The following KCNQ3 variants were observed in gnomAD, a reference collection of about 807,000 sequenced individuals.
The protein encoded by KCNQ3 is potassium voltage-gated channel subfamily Q member 3, also known as potassium voltage-gated channel subfamily KQT member 3.
In KCNQ3, 30 loss-of-function variants were observed where a neutral mutation model predicts 92.5. That is an observed-to-expected ratio of 0.32 (90% CI 0.24 to 0.44). The LOEUF (loss-of-function observed/expected upper bound fraction) is 0.44. KCNQ3 is among the 20% of genes least tolerant of loss of function. KCNQ3 has a pLI of 1.00. For synonymous variants in KCNQ3, 450 were observed against 468.8 expected, an observed-to-expected ratio of 0.96 and a Z score of 0.52; for missense variants, 913 against 1,140.3, an observed-to-expected ratio of 0.80 and a Z score of 2.87.
At chr8:132,145,045 G>C (rs765990169) in intron 9 of KCNQ3, among the ~76,000 whole-genome samples, 1 of 152,178 alleles carries the variant, frequency 6.6e-6, no homozygotes, top group African/African-American at 2.4e-5. Flanking sequence ...ACATTTGGTC[G>C]TCACAACTAC....
At chr8:132,226,174 G>C (rs1234209120) in intron 1 of KCNQ3, among the ~76,000 whole-genome samples, 1 of 152,026 alleles carries the variant, frequency 6.6e-6, no homozygotes, top group African/African-American at 2.4e-5. Context: ...GAGAGGCTGA[G>C]GCAGCAGAAT....
intron 1 of KCNQ3, among the ~76,000 whole-genome samples, chr8:132,477,636 T>C (rs1822445510): frequency 6.6e-6 from 1 of 152,222 alleles, no homozygotes; most frequent in Non-Finnish European, 1.5e-5. Context: ...GCTCCCAATT[T>C]ATCAGAATCC....
chr8:132,409,279 GT>G (rs1327531111), intron 1 of KCNQ3, among the ~76,000 whole-genome samples: 1 of 151,982 alleles, frequency 6.6e-6, no homozygotes, highest in Non-Finnish European at 1.5e-5. Context: ...ACAAACTTAA[GT>G]TGAGCTCCTA....
At chr8:132,421,245 A>G (rs1207826949) in intron 1 of KCNQ3, among the ~76,000 whole-genome samples, 2 of 152,234 alleles carry the variant, frequency 1.3e-5, no homozygotes, top group Non-Finnish European at 2.9e-5. Context: ...ATATTCATGC[A>G]TGTGAGGGGC....
intron 1 of KCNQ3, among the ~76,000 whole-genome samples, chr8:132,351,820 A>C (rs1818876106): frequency 6.6e-6 from 1 of 152,168 alleles, no homozygotes; most frequent in Non-Finnish European, 1.5e-5. Flanking sequence ...GGGATAAGAC[A>C]ATCACTTTGG....
chr8:132,427,485 G>GT (rs1009057392), intron 1 of KCNQ3, among the ~76,000 whole-genome samples: 2 of 151,976 alleles, frequency 1.3e-5, no homozygotes, highest in African/African-American at 2.4e-5. Context: ...GGCTAATTGT[G>GT]TTTTTTTTCT....
At chr8:132,156,486 C>A (rs754201628) in intron 9 of KCNQ3, among the ~76,000 whole-genome samples, 1 of 152,086 alleles carries the variant, frequency 6.6e-6, no homozygotes, top group Non-Finnish European at 1.5e-5. Flanking sequence ...GAAGAAATGA[C>A]CATAGATCTG....
intron 1 of KCNQ3, among the ~76,000 whole-genome samples, chr8:132,468,771 C>T (rs1417692604): frequency 6.6e-6 from 1 of 152,158 alleles, no homozygotes; most frequent in African/African-American, 2.4e-5. Flanking sequence ...GGTTCCCAGC[C>T]CTGAGGTCTG....
At chr8:132,263,738 G>T (rs1406649935) in intron 1 of KCNQ3, among the ~76,000 whole-genome samples, 2 of 152,218 alleles carry the variant, frequency 1.3e-5, no homozygotes, top group African/African-American at 4.8e-5. Context: ...TTCATGAGTG[G>T]CTCAGGTTAG....
intron 1 of KCNQ3, among the ~76,000 whole-genome samples, chr8:132,462,821 T>C (rs1046219167): frequency 1.3e-5 from 2 of 152,220 alleles, no homozygotes; most frequent in Admixed American, 1.3e-4. Flanking sequence ...CAATAAGGAA[T>C]AGAAAGAATG....
At chr8:132,378,302 G>C (rs1819662682) in intron 1 of KCNQ3, among the ~76,000 whole-genome samples, 1 of 151,982 alleles carries the variant, frequency 6.6e-6, no homozygotes, top group African/African-American at 2.4e-5. Context: ...TGATGCACGA[G>C]AAACACTTGA....
chr8:132,354,620 G>A (rs1453078834), intron 1 of KCNQ3, among the ~76,000 whole-genome samples: 54 of 152,172 alleles, frequency 3.5e-4, no homozygotes, highest in Non-Finnish European at 1.5e-5. Context: ...CTGCTTCTCA[G>A]ACTCCCCATA....
In KCNQ3 at chr8:132,332,881, C is replaced by G. The variant is rs574731989; in HGVS notation, c.387-146700G>C. 5.3e-5 allele frequency among the ~76,000 whole-genome samples: 8 copies of G among 152,350 alleles called. No individual in the cohort carries two copies. In the East Asian group the frequency reaches 1.5e-3, roughly 29 times the overall value. On this transcript the variant is annotated intron_variant, in intron 1 of 14. Transcript: ENST00000388996. ...CCTTCCTGCTGCACTCACCTCTCTTCATTGCATCGCTGTGCCATCATGATG... is the reference window on the plus strand; with the variant it reads ...CCTTCCTGCTGCACTCACCTCTCTTGATTGCATCGCTGTGCCATCATGATG...
intron 1 of KCNQ3, among the ~76,000 whole-genome samples, chr8:132,405,309 C>T (rs566355943): frequency 1.1e-4 from 17 of 152,322 alleles, no homozygotes; most frequent in African/African-American, 2.4e-4. Context: ...AGTTTTCCCA[C>T]GGCATAAAAT....
chr8:132,146,497 G>A (rs765753817), intron 9 of KCNQ3, among the ~76,000 whole-genome samples: 8 of 152,162 alleles, frequency 5.3e-5, no homozygotes, highest in Non-Finnish European at 1.0e-4. Flanking sequence ...GAACAGGGGA[G>A]CGTTGTTTAA....
At chr8:132,319,921 T>A (rs1817852270) in intron 1 of KCNQ3, among the ~76,000 whole-genome samples, 1 of 152,194 alleles carries the variant, frequency 6.6e-6, no homozygotes, top group Non-Finnish European at 1.5e-5. Flanking sequence ...GCTCCCCAGA[T>A]GAACTCCCTC....
rs1421966120 is a variant in KCNQ3 at position 132,480,416 on chromosome 8, C to G, written c.117G>C (p.Glu39Asp). The G allele has an allele frequency of 6.7e-7, 1 of 1,489,946 alleles. No homozygotes were observed. Among genetic ancestry groups the G allele is most frequent in the Non-Finnish European group, 8.9e-7 (1 of 1,125,212 alleles). 92.3% of individuals were successfully genotyped at this position (1,489,946 alleles called of 1,614,324 possible). A position where few individuals can be genotyped will look rare whatever the true frequency, so the allele number is the denominator to read the frequency against. The change falls in exon 1 of 15, where the codon GAG becomes GAC. Residue 39 changes from glutamate to aspartate, a missense_variant. By Grantham distance (45) the Glu-to-Asp change is conservative. Transcript: ENST00000388996. ...AGGDAAAAGD[E>D]ERKVGLAPGD... Reference sequence around the variant, plus strand: ...CGGGCGCCAGCCCCACTTTCCGCTCCTCGTCGCCGGCCGCCGCCGCGTCCC... The same window carrying G: ...CGGGCGCCAGCCCCACTTTCCGCTCGTCGTCGCCGGCCGCCGCCGCGTCCC...
chr8:132,323,151 C>T (rs944489802), intron 1 of KCNQ3, among the ~76,000 whole-genome samples: 9 of 152,200 alleles, frequency 5.9e-5, no homozygotes, highest in Non-Finnish European at 2.9e-5. Flanking sequence ...GAGGCCCGCA[C>T]TCTTTATTAA....
chr8:132,365,722 T>C (rs143193914), intron 1 of KCNQ3, among the ~76,000 whole-genome samples: 1,766 of 152,304 alleles, frequency 0.012, 16 homozygotes, highest in Non-Finnish European at 0.02. Flanking sequence ...GTGACTCTAC[T>C]TGTATAGTTT....
Sources: gnomAD v4.1 joint callset for allele counts (sites outside exome capture counted in the v4.1 genomes callset) on GRCh38, gnomAD v4.1.1 for gene constraint, MANE v1.5 for transcripts, NCBI Gene and HGNC (gene_info 2026-07-23, HGNC 2026-07-21) for gene names.